The following CCNG1 variants were observed in gnomAD, a reference collection of about 807,000 sequenced individuals.
CCNG1 encodes the protein cyclin G1, also known as cyclin-G1.
CCNG1 carries 13 observed loss-of-function variants against 30.0 expected under a neutral mutation model. That is an observed-to-expected ratio of 0.43 (90% CI 0.28 to 0.69). The LOEUF is 0.69. Among genes scored for constraint, CCNG1 ranks in the 30% least tolerant of loss-of-function variants. CCNG1 has a pLI of 0.16. For synonymous variants in CCNG1, 110 were observed against 121.5 expected (o/e 0.91, Z 0.62); for missense variants, 285 against 331.4 (o/e 0.86, Z 1.09).
At chr5:163,440,368 C>T (rs968494319) in intron 2 of CCNG1, among the ~76,000 whole-genome samples, 6 of 152,066 alleles carry the variant, frequency 3.9e-5, no homozygotes, top group Non-Finnish European at 5.9e-5. Context: ...AGAATAAGAT[C>T]GTTGCTCTTA....
In CCNG1 at chr5:163,441,939, G is replaced by T; in HGVS notation, c.572G>T (p.Cys191Phe). 1 of 1,609,262 alleles carries T rather than the reference G, an allele frequency of 6.2e-7. No individual in the cohort carries two copies. Among genetic ancestry groups the T allele is most frequent in the Non-Finnish European group, 8.5e-7 (1 of 1,175,884 alleles). Residue 191 changes from cysteine (C) to phenylalanine (F), a missense_variant, in exon 4 of 7, where the codon TGC becomes TTC. Cys to Phe is a radical substitution (Grantham distance 205). Coordinates refer to ENST00000340828, the MANE Select transcript of CCNG1 (RefSeq NM_004060.4). Reference sequence around the variant, plus strand: ...GAAGCTCAACTGAAGGCATGTCATTGCAGGATCATATTTTCTAAAGCAAAG... The same window carrying T: ...GAAGCTCAACTGAAGGCATGTCATTTCAGGATCATATTTTCTAAAGCAAAG... ...RLEAQLKACH[C>F]RIIFSKAKPS...
chr5:163,443,724 T>A lies in CCNG1; in HGVS notation c.*54T>A, dbSNP rs548708771. ...TCTGAAGCCTTTCTCCACAACCTTG[T>A]TCTATGGATTCCATAATGTTACAAT... is the stretch of plus-strand genomic sequence containing the variant. On this transcript the variant is annotated 3_prime_UTR_variant, in exon 7 of 7. Coordinates refer to ENST00000340828, the MANE Select transcript of CCNG1 (RefSeq NM_004060.4). 6.5e-7 allele frequency: 1 copy of A among 1,527,104 alleles called. No individual in the cohort carries two copies. The highest frequency in any genetic ancestry group is 1.2e-5 in the South Asian group (1 of 83,758). The allele number at this position is 1,527,104 out of a possible 1,614,324, so 94.6% of individuals were successfully genotyped here. A position where few individuals can be genotyped will look rare whatever the true frequency, so the allele number is the denominator to read the frequency against.
chr5:163,443,206 G>A lies in CCNG1; in HGVS notation c.*4-468G>A, dbSNP rs1045184856. On this transcript the variant is annotated intron_variant, in intron 6 of 6. Transcript: ENST00000340828. ...GGGCGCCTGTAGTCCCAGCTACTCG[G>A]GAGGCTGAGGCAGGAGAATGGCGGG... is the stretch of plus-strand genomic sequence containing the variant. 2.6e-5 allele frequency among the ~76,000 whole-genome samples: 4 copies of A among 151,984 alleles called. No individual in the cohort carries two copies. The South Asian group carries it at 8.3e-4, about 32-fold the overall frequency.
chr5:163,441,092 C>G lies in CCNG1; in HGVS notation c.279C>G (p.His93Gln), dbSNP rs185434982. Residue 93 changes from histidine (H) to glutamine (Q), a missense_variant, in exon 3 of 7, where the codon CAC (histidine) becomes CAG (glutamine). Transcript: ENST00000340828. The part of the protein sequence containing the change: ...FLSKMKVQPK[H>Q]LGCVGLSCFY... ...TGATTTTTTAGGTACAGCCCAAGCA[C>G]CTTGGGTGTGTTGGACTGAGCTGCT... is the stretch of plus-strand genomic sequence containing the variant. 9 of 1,613,706 alleles carry G rather than the reference C, an allele frequency of 5.6e-6. No individual in the cohort carries two copies. Among genetic ancestry groups the G allele is most frequent in the Non-Finnish European group, 7.6e-6 (9 of 1,179,782 alleles).
downstream of CCNG1, chr5:163,447,187 C>G (rs1758057654): frequency 6.6e-6 from 1 of 152,602 alleles, no homozygotes; most frequent in African/African-American, 2.4e-5. Flanking sequence ...GAGACTCATT[C>G]ATTCCTGTAA....
At chr5:163,447,750 AAT>A (rs1758075485), downstream of CCNG1, 1 of 152,212 alleles carries the variant, frequency 6.6e-6, no homozygotes. Context: ...AATCATATAA[AAT>A]ATGTTTTTTG....
chr5:163,446,266 C>T (rs1045999176), downstream of CCNG1: 3 of 152,220 alleles, frequency 2.0e-5, no homozygotes, highest in East Asian at 1.9e-4. Context: ...TTTATATTTT[C>T]GATTTAACAT....
intron 2 of CCNG1, among the ~76,000 whole-genome samples, chr5:163,439,870 G>A (rs961933247): frequency 6.6e-6 from 1 of 151,834 alleles, no homozygotes; most frequent in South Asian, 2.1e-4. Context: ...TTTATTAGAG[G>A]CTACATTGTG....
At position 163,442,861 on chromosome 5, in the gene CCNG1, T is replaced by A. The variant is rs567143917; in HGVS notation, c.*3+293T>A. On this transcript the variant is annotated intron_variant, in intron 6 of 6. Transcript: ENST00000340828. ...GTAGCACTAAAATCATGCTTTTTTT[T>A]AATTGCACATGATCTTGCTGTATGT... 1.0e-3 allele frequency among the ~76,000 whole-genome samples: 157 copies of A among 152,358 alleles called. 1 individual carries two copies. Among genetic ancestry groups the A allele is most frequent in the Middle Eastern group, 3.4e-3 (1 of 294 alleles).
At position 163,443,871 on chromosome 5, in the gene CCNG1, A is replaced by C. The variant is rs1757952391; in HGVS notation, c.*201A>C. The C allele has an allele frequency of 3.7e-6, 2 of 545,920 alleles. No homozygotes were observed. Among genetic ancestry groups the C allele is most frequent in the East Asian group, 6.1e-5 (2 of 32,990 alleles). 33.8% of individuals were successfully genotyped at this position (545,920 alleles called of 1,614,324 possible). A position where few individuals can be genotyped will look rare whatever the true frequency, so the allele number is the denominator to read the frequency against. The stretch of plus-strand genomic sequence containing the variant: ...TTAGATTTGAATTCATCTGTGAAGC[A>C]TTCAAATCAAAGCTAAAAGCCTAAA... On this transcript the variant is annotated 3_prime_UTR_variant, in exon 7 of 7. Coordinates refer to ENST00000340828, the MANE Select transcript of CCNG1 (RefSeq NM_004060.4).
chr5:163,450,732 T>C (rs1308167764), downstream of CCNG1: 1 of 152,252 alleles, frequency 6.6e-6, no homozygotes, highest in Non-Finnish European at 1.5e-5. Context: ...TAAAAAGATG[T>C]AGCTGCTTTG....
chr5:163,456,163 G>T, the CCNG1 span, among the ~76,000 whole-genome samples: 1 of 152,080 alleles, frequency 6.6e-6, no homozygotes, highest in East Asian at 1.9e-4. Context: ...CCTAAATTCA[G>T]AAAAAAAGTC....
chr5:163,456,929 T>C, the CCNG1 span: 1 of 1,599,474 alleles, frequency 6.3e-7, no homozygotes, highest in Non-Finnish European at 8.5e-7. Flanking sequence ...TCTGACTTAC[T>C]TCTTTTTGGA....
At chr5:163,445,707 C>T (rs1758024066), downstream of CCNG1, among the ~76,000 whole-genome samples, 1 of 145,872 alleles carries the variant, frequency 6.9e-6, no homozygotes, top group East Asian at 2.0e-4. Flanking sequence ...ATCTGCCCAC[C>T]TCGTTCTCCC....
chr5:163,447,572 C>T (rs1368091016), downstream of CCNG1: 1 of 151,550 alleles, frequency 6.6e-6, no homozygotes, highest in African/African-American at 2.4e-5. Flanking sequence ...AGAAAATTAG[C>T]AAAGATGTAG....
In CCNG1 at chr5:163,441,078, G is replaced by A. The variant is rs1276000639; in HGVS notation, c.265G>A (p.Val89Ile). 4 of 1,610,252 alleles carry A rather than the reference G, an allele frequency of 2.5e-6. No homozygotes were observed. Among genetic ancestry groups the A allele is most frequent in the Non-Finnish European group, 2.5e-6 (3 of 1,178,522 alleles). ...ACTGGTTTTGTTTTTGATTTTTTAGGTACAGCCCAAGCACCTTGGGTGTGT... is the reference window on the plus strand; with the variant it reads ...ACTGGTTTTGTTTTTGATTTTTTAGATACAGCCCAAGCACCTTGGGTGTGT... ...LLDRFLSKMKVQPKHLGCVGL... is the reference protein window; with the variant it reads ...LLDRFLSKMKIQPKHLGCVGL... The change falls in exon 3 of 7, where the codon GTA (valine) becomes ATA (isoleucine). Residue 89 changes from valine to isoleucine, a missense_variant and splice_region_variant. Transcript: ENST00000340828.
chr5:163,441,830 T>A lies in CCNG1; in HGVS notation c.519-56T>A, dbSNP rs552028981. 1.1e-5 allele frequency: 12 copies of A among 1,062,920 alleles called. No homozygotes were observed. The South Asian group carries it at 1.7e-4, about 15-fold the overall frequency. 65.8% of individuals were successfully genotyped at this position (1,062,920 alleles called of 1,614,324 possible). ...TGACTTCAATGTTTTTCTAAAAACATCTTTTGACTAGATGTAGTATTACCT... is the reference window on the plus strand; with the variant it reads ...TGACTTCAATGTTTTTCTAAAAACAACTTTTGACTAGATGTAGTATTACCT... On this transcript the variant is annotated intron_variant, in intron 3 of 6. Coordinates refer to ENST00000340828, the MANE Select transcript of CCNG1 (RefSeq NM_004060.4).
chr5:163,438,555 G>C (rs1370725395), intron 1 of CCNG1, among the ~76,000 whole-genome samples: 1 of 152,128 alleles, frequency 6.6e-6, no homozygotes, highest in Non-Finnish European at 1.5e-5. Context: ...TATCAATGTG[G>C]AACTAAGTAC....
chr5:163,453,622 A>C, the CCNG1 span: 2 of 161,404 alleles, frequency 1.2e-5, no homozygotes, highest in South Asian at 4.1e-4. Flanking sequence ...TCAAAAGAAA[A>C]AGTTAATTTT....
Sources: allele counts gnomAD v4.1 joint callset (sites outside exome capture counted in the v4.1 genomes callset), GRCh38; gene constraint gnomAD v4.1.1; transcripts MANE v1.5; gene names NCBI Gene and HGNC (gene_info 2026-07-23, HGNC 2026-07-21).